PPP2R2B: variants seen among roughly 807,000 people sequenced by gnomAD.
The protein encoded by PPP2R2B is protein phosphatase 2 regulatory subunit Bbeta.
A neutral mutation model predicts 46.0 loss-of-function variants in PPP2R2B; 5 were observed. The observed-to-expected ratio is 0.11, with a 90% CI of 0.06 to 0.23. PPP2R2B has a LOEUF of 0.23. PPP2R2B is among the 10% of genes least tolerant of loss of function. The pLI is 1.00. For missense variants in PPP2R2B, 367 were observed against 575.0 expected (o/e 0.64, Z 3.70); for synonymous variants, 215 against 206.7 (o/e 1.04, Z -0.34).
chr5:146,657,858 C>A lies in PPP2R2B; in HGVS notation c.448-7134G>T, dbSNP rs185918401. ...AGTGTTCAACAGATGCTCCCCATTC[C>A]CCTCTCCAAATAATTGAGATTACAT... is the stretch of plus-strand genomic sequence containing the variant. On this transcript the variant is annotated intron_variant, in intron 5 of 9. Coordinates refer to ENST00000394411, the MANE Select transcript of PPP2R2B (RefSeq NM_181675.4). 5.9e-5 allele frequency among the ~76,000 whole-genome samples: 9 copies of A among 152,248 alleles called. No homozygotes were observed. In the East Asian group the frequency reaches 1.7e-3, roughly 29 times the overall value.
intron 2 of PPP2R2B, among the ~76,000 whole-genome samples, chr5:146,728,247 C>G (rs1006353901): frequency 4.7e-5 from 7 of 147,708 alleles, no homozygotes; most frequent in Non-Finnish European, 1.0e-4. Flanking sequence ...TATGAGATCT[C>G]AGAATCAGGA....
chr5:146,933,365 C>T (rs1764028934), intron 1 of PPP2R2B, among the ~76,000 whole-genome samples: 1 of 152,088 alleles, frequency 6.6e-6, no homozygotes, highest in Non-Finnish European at 1.5e-5. Context: ...GATTACAGAG[C>T]AGGTCAAAGC....
chr5:146,951,047 C>T lies in PPP2R2B; in HGVS notation c.79+104618G>A, dbSNP rs76677189. Among the ~76,000 whole-genome samples the T allele has an allele frequency of 5.7e-3, 862 of 151,990 alleles. 22 individuals carry two copies. In the East Asian group the frequency reaches 0.072, roughly 13 times the overall value. On this transcript the variant is annotated intron_variant, in intron 1 of 8. Transcript: ENST00000336640. ...TTGAGATTTTTCATGATTGAAAGAC[C>T]CAGGCAAATGGCCCTTCTATCTAAG...
intron 2 of PPP2R2B, among the ~76,000 whole-genome samples, chr5:146,781,164 A>ATATATATC: frequency 9.1e-6 from 1 of 109,960 alleles, no homozygotes. Context: ...ATATATATAT[A>ATATATATC]TATATATATA....
chr5:146,976,932 C>T (rs1003458371), intron 1 of PPP2R2B, among the ~76,000 whole-genome samples: 11 of 152,136 alleles, frequency 7.2e-5, no homozygotes, highest in African/African-American at 9.7e-5. Flanking sequence ...ACAGGATTGA[C>T]GTTTTATAGT....
chr5:146,830,710 G>A (rs1220315019), intron 2 of PPP2R2B, among the ~76,000 whole-genome samples: 1 of 152,078 alleles, frequency 6.6e-6, no homozygotes, highest in Non-Finnish European at 1.5e-5. Flanking sequence ...GACCTCAAGT[G>A]ATCCACCCAC....
At chr5:146,974,279 C>A (rs1752793364) in intron 1 of PPP2R2B, among the ~76,000 whole-genome samples, 1 of 152,164 alleles carries the variant, frequency 6.6e-6, no homozygotes, top group African/African-American at 2.4e-5. Context: ...TTATACTGTT[C>A]TAAGTCCTTT....
chr5:146,800,917 T>TAC (rs148564633), intron 2 of PPP2R2B, among the ~76,000 whole-genome samples: 13,713 of 145,348 alleles, frequency 0.094, 618 homozygotes, highest in Middle Eastern at 0.15. Context: ...TATGTGTACA[T>TAC]ACACACACAC....
intron 2 of PPP2R2B, among the ~76,000 whole-genome samples, chr5:146,777,008 G>A (rs1302397370): frequency 5.9e-5 from 9 of 152,122 alleles, no homozygotes; most frequent in African/African-American, 2.2e-4. Context: ...TATTGTCAAG[G>A]ATGTGGAAAA....
chr5:146,594,664 C>G (rs1770993959), intron 8 of PPP2R2B, among the ~76,000 whole-genome samples: 2 of 152,164 alleles, frequency 1.3e-5, no homozygotes, highest in Admixed American at 1.3e-4. Flanking sequence ...CAAGATCACA[C>G]AGAAAAAGTG....
chr5:147,053,020 C>A (rs193036502), intron 1 of PPP2R2B, among the ~76,000 whole-genome samples: 3 of 151,840 alleles, frequency 2.0e-5, no homozygotes, highest in Non-Finnish European at 4.4e-5. Flanking sequence ...TACAAGTGAA[C>A]GCTGGTTATT....
chr5:146,620,273 A>G (rs1773564589), intron 7 of PPP2R2B, among the ~76,000 whole-genome samples: 2 of 152,188 alleles, frequency 1.3e-5, no homozygotes, highest in Admixed American at 1.3e-4. Flanking sequence ...TTGGGCTAAT[A>G]TGTACAGACA....
chr5:146,646,066 C>T (rs1019604080), intron 6 of PPP2R2B, among the ~76,000 whole-genome samples: 2 of 152,202 alleles, frequency 1.3e-5, no homozygotes. Flanking sequence ...ATTCATAGAA[C>T]CATATTCCCT....
At chr5:147,010,949 C>G (rs1754698259) in intron 1 of PPP2R2B, among the ~76,000 whole-genome samples, 1 of 152,146 alleles carries the variant, frequency 6.6e-6, no homozygotes. Flanking sequence ...CCGGGGTTAT[C>G]CTTCAGAAAC....
chr5:146,654,018 A>T (rs751708186), intron 5 of PPP2R2B, among the ~76,000 whole-genome samples: 1 of 152,178 alleles, frequency 6.6e-6, no homozygotes. Flanking sequence ...TGTGTTTTTC[A>T]TCTGCTCTGG....
intron 1 of PPP2R2B, among the ~76,000 whole-genome samples, chr5:146,966,091 C>T (rs1752390317): frequency 6.6e-6 from 1 of 152,154 alleles, no homozygotes; most frequent in African/African-American, 2.4e-5. Flanking sequence ...GTCACCATAC[C>T]AAAGCCAGGA....
chr5:146,893,714 G>T lies in PPP2R2B; in HGVS notation c.79+161951C>A, dbSNP rs1359083192. 2.0e-5 allele frequency among the ~76,000 whole-genome samples: 3 copies of T among 152,114 alleles called. No homozygotes were observed. In the East Asian group the frequency reaches 5.8e-4, roughly 29 times the overall value. ...CAACATCACATACCAGAGGCTGTCA[G>T]TGGGTGGGAGGAAAGGTGGGGAGAG... On this transcript the variant is annotated intron_variant, in intron 1 of 8. Coordinates refer to the PPP2R2B transcript ENST00000336640.
intron 1 of PPP2R2B, among the ~76,000 whole-genome samples, chr5:147,012,321 T>C (rs1018765508): frequency 2.0e-5 from 3 of 152,270 alleles, no homozygotes; most frequent in Non-Finnish European, 4.4e-5. Flanking sequence ...ATGTATGTGT[T>C]GAGGAATTTA....
chr5:146,600,471 A>G lies in PPP2R2B; in HGVS notation c.791-11T>C, dbSNP rs764153596. 3.1e-6 allele frequency: 5 copies of G among 1,613,278 alleles called. No individual in the cohort carries two copies. Among genetic ancestry groups the G allele is most frequent in the Non-Finnish European group, 4.2e-6 (5 of 1,179,596 alleles). On this transcript the variant is annotated splice_polypyrimidine_tract_variant and intron_variant, in intron 7 of 9. Transcript: ENST00000394411. ...CCGGCTCTTCAAAAACTGCAGAACA[A>G]AAGCAAAACAAGACAAATTTAGCAA... is the stretch of plus-strand genomic sequence containing the variant.
Sources: allele counts gnomAD v4.1 joint callset (sites outside exome capture counted in the v4.1 genomes callset), GRCh38; gene constraint gnomAD v4.1.1; transcripts MANE v1.5; gene names NCBI Gene and HGNC (gene_info 2026-07-23, HGNC 2026-07-21).